Variants in RGS12 observed in about 807,000 individuals in gnomAD.
RGS12 encodes the protein regulator of G-protein signaling 12.
In RGS12, 66 loss-of-function variants were observed where a neutral mutation model predicts 120.1. The observed-to-expected ratio is 0.55, with a 90% CI of 0.45 to 0.67. The LOEUF (loss-of-function observed/expected upper bound fraction) is 0.67. RGS12 is among the 30% of genes least tolerant of loss of function. RGS12 has a pLI of 0.00. For synonymous variants in RGS12, 827 were observed against 804.7 expected, an observed-to-expected ratio of 1.03 and a Z score of -0.47; for missense variants, 1,859 against 1,957.7, an observed-to-expected ratio of 0.95 and a Z score of 0.95.
chr4:3,393,910 C>T (rs907971545), intron 4 of RGS12, among the ~76,000 whole-genome samples: 4 of 152,198 alleles, frequency 2.6e-5, no homozygotes, highest in African/African-American at 9.6e-5. Context: ...AGAGCAGGTT[C>T]TCCTCTCCCC....
chr4:3,287,364 A>G, the RGS12 span, among the ~76,000 whole-genome samples: 1 of 152,176 alleles, frequency 6.6e-6, no homozygotes, highest in Non-Finnish European at 1.5e-5. Flanking sequence ...GAAAAAAAAA[A>G]CAAAAAAAGG....
intron 3 of RGS12, among the ~76,000 whole-genome samples, chr4:3,375,117 G>A (rs1257827777): frequency 6.6e-6 from 1 of 152,188 alleles, no homozygotes; most frequent in African/African-American, 2.4e-5. Flanking sequence ...GAGCTCAGGG[G>A]CCAGACTGAG....
chr4:3,293,882 A>G (rs1723204812), intron 1 of RGS12, among the ~76,000 whole-genome samples: 1 of 148,452 alleles, frequency 6.7e-6, no homozygotes, highest in Non-Finnish European at 1.5e-5. Context: ...AGAGCCATCT[A>G]GTGTAGACAG....
chr4:3,416,842 A>G, intron 7 of RGS12, 71 bp from the exon 8 acceptor site: 1 of 1,441,182 alleles, frequency 6.9e-7, no homozygotes, highest in Non-Finnish European at 9.5e-7. Flanking sequence ...CAGGTCGCCA[A>G]GCAGCCTCGC....
intron 2 of RGS12, among the ~76,000 whole-genome samples, chr4:3,320,682 T>C (rs1488317671): frequency 6.6e-6 from 1 of 152,216 alleles, no homozygotes; most frequent in Non-Finnish European, 1.5e-5. Context: ...TAAGTGTTGC[T>C]GTTTACTTTG....
chr4:3,407,541 G>A (rs1195822229), intron 4 of RGS12: 1 of 152,320 alleles, frequency 6.6e-6, no homozygotes, highest in African/African-American at 2.4e-5. Flanking sequence ...TTGGTTAAGT[G>A]GCATCACAGT....
At chr4:3,408,317 T>TGAAA (rs1721372749) in intron 4 of RGS12, among the ~76,000 whole-genome samples, 2 of 152,322 alleles carry the variant, frequency 1.3e-5, no homozygotes, top group Admixed American at 6.5e-5. Flanking sequence ...CCAGAGCACA[T>TGAAA]GAAAGTGCTG....
At chr4:3,376,105 A>G (rs1560127041) in intron 3 of RGS12, among the ~76,000 whole-genome samples, 1 of 152,260 alleles carries the variant, frequency 6.6e-6, no homozygotes, top group Non-Finnish European at 1.5e-5. Flanking sequence ...TTTGGGCTCA[A>G]AAGTTGTCAG....
At chr4:3,411,218 C>A (rs1002266118) in intron 4 of RGS12, among the ~76,000 whole-genome samples, 1 of 152,222 alleles carries the variant, frequency 6.6e-6, no homozygotes, top group African/African-American at 2.4e-5. Flanking sequence ...CCGTGCACCC[C>A]ACTCACTACC....
intron 4 of RGS12, among the ~76,000 whole-genome samples, chr4:3,397,297 TAGA>T (rs1027533694): frequency 3.3e-5 from 5 of 152,188 alleles, no homozygotes; most frequent in African/African-American, 4.8e-5. Context: ...CTGGCTGCGA[TAGA>T]AGAAGAAGGA....
At chr4:3,362,457 C>T (rs1484442978) in intron 3 of RGS12, among the ~76,000 whole-genome samples, 8 of 117,822 alleles carry the variant, frequency 6.8e-5, no homozygotes, top group South Asian at 3.1e-4. Context: ...TGTGAGGGTG[C>T]GAGGGTGTGT....
chr4:3,386,610 G>C (rs1033917125), intron 4 of RGS12, among the ~76,000 whole-genome samples, 173 bp downstream of exon 4: 1 of 152,182 alleles, frequency 6.6e-6, no homozygotes, highest in Non-Finnish European at 1.5e-5. Context: ...GTGACACCCA[G>C]GTGGCCTCGG....
intron 1 of RGS12, among the ~76,000 whole-genome samples, chr4:3,310,169 G>A (rs1724290319): frequency 6.7e-6 from 1 of 149,522 alleles, no homozygotes; most frequent in African/African-American, 2.5e-5. Flanking sequence ...GAGGGGAACT[G>A]TGTTGAGGAG....
Position 3,307,206 on chromosome 4 carries a change from C to T in RGS12, c.-101-8864C>T, listed in dbSNP as rs540355602. ...GATACGGCCTTTGCCGACGTGTTGC[C>T]GCCGGCTGCTTTTCCGGTCCTGGGA... On this transcript the variant is annotated intron_variant, in intron 1 of 17. Coordinates refer to ENST00000336727, the MANE Select transcript of RGS12 (RefSeq NM_001394154.1). Among the ~76,000 whole-genome samples, 14 of 152,314 alleles carry T rather than the reference C, an allele frequency of 9.2e-5. No homozygotes were observed. In the South Asian group the frequency reaches 1.0e-3, roughly 11 times the overall value.
chr4:3,334,157 A>G lies in RGS12; in HGVS notation c.1882-8780A>G, dbSNP rs545687735. Among the ~76,000 whole-genome samples the G allele has an allele frequency of 3.9e-4, 59 of 152,366 alleles. 1 individual carries two copies. The highest frequency in any genetic ancestry group is 1.3e-3 in the African/African-American group (56 of 41,590). Reference sequence around the variant, plus strand: ...GCCAGCTCTTATGATATGTGGAAGTATAATTGACTAGTTGCTTTTTATATC... The same window carrying G: ...GCCAGCTCTTATGATATGTGGAAGTGTAATTGACTAGTTGCTTTTTATATC... On this transcript the variant is annotated intron_variant, in intron 2 of 17. Coordinates refer to ENST00000336727, the MANE Select transcript of RGS12 (RefSeq NM_001394154.1).
At chr4:3,361,006 C>T (rs1715503043) in intron 3 of RGS12, among the ~76,000 whole-genome samples, 1 of 152,204 alleles carries the variant, frequency 6.6e-6, no homozygotes, top group African/African-American at 2.4e-5. Context: ...CATAAGATCC[C>T]TACACGGAAG....
At chr4:3,375,229 A>T (rs983138657) in intron 3 of RGS12, among the ~76,000 whole-genome samples, 1 of 151,914 alleles carries the variant, frequency 6.6e-6, no homozygotes, top group Non-Finnish European at 1.5e-5. Flanking sequence ...CCTGGGCGTG[A>T]ACTCCAGCCT....
In RGS12 at chr4:3,374,161, T is replaced by C. The variant is rs1717368935; in HGVS notation, c.1999-12255T>C. ...CCGTTGGGCGGATGTGGAGGCTGGT[T>C]GAGGTTCCTTGCAACGCTTGCCATC... is the stretch of plus-strand genomic sequence containing the variant. On this transcript the variant is annotated intron_variant, in intron 3 of 17. Transcript: ENST00000336727. The surrounding 1 kb of genome is among the most constrained non-coding windows in gnomAD (Gnocchi z 6.3). 6.6e-6 allele frequency among the ~76,000 whole-genome samples: 1 copy of C among 152,208 alleles called. No homozygotes were observed. Among genetic ancestry groups the C allele is most frequent in the East Asian group, 1.9e-4 (1 of 5,186 alleles).
intron 3 of RGS12, among the ~76,000 whole-genome samples, chr4:3,364,290 CTG>C (rs1716061734): frequency 6.6e-6 from 1 of 152,168 alleles, no homozygotes; most frequent in Non-Finnish European, 1.5e-5. Flanking sequence ...TCTGCCGTAA[CTG>C]TGACTTGGGG....
Sources: allele counts gnomAD v4.1 joint callset (sites outside exome capture counted in the v4.1 genomes callset), GRCh38; gene constraint gnomAD v4.1.1; non-coding constraint Gnocchi (gnomAD v3.1); transcripts MANE v1.5; gene names NCBI Gene and HGNC (gene_info 2026-07-23, HGNC 2026-07-21).